CLSTN2: variants seen among roughly 807,000 people sequenced by gnomAD.
CLSTN2 encodes calsyntenin 2.
A neutral mutation model predicts 101.2 loss-of-function variants in CLSTN2; 48 were observed. That is an observed-to-expected ratio of 0.47 (90% CI 0.38 to 0.60). CLSTN2 has a LOEUF of 0.60. Ranked by LOEUF, CLSTN2 falls within the 20% of genes least tolerant of loss-of-function variation. CLSTN2 has a pLI of 0.00. For missense variants in CLSTN2, 1,160 were observed against 1,238.2 expected (o/e 0.94, Z 0.95); for synonymous variants, 481 against 463.6 (o/e 1.04, Z -0.48).
At chr3:140,212,748 C>G (rs1224979845) in intron 2 of CLSTN2, among the ~76,000 whole-genome samples, 1 of 152,214 alleles carries the variant, frequency 6.6e-6, no homozygotes, top group Non-Finnish European at 1.5e-5. Context: ...TCTGTTCACT[C>G]TAGATCTTGC....
intron 2 of CLSTN2, among the ~76,000 whole-genome samples, chr3:140,242,472 C>G (rs966513981): frequency 6.6e-6 from 1 of 152,144 alleles, no homozygotes; most frequent in African/African-American, 2.4e-5. Context: ...TATTGGAGCC[C>G]TGGTGTGCCT....
chr3:140,283,870 G>A (rs2086871305), intron 2 of CLSTN2, among the ~76,000 whole-genome samples: 1 of 152,122 alleles, frequency 6.6e-6, no homozygotes, highest in South Asian at 2.1e-4. Context: ...CTGGGTGTGT[G>A]GCATTTAAGT....
At chr3:139,958,077 C>G (rs896882940) in intron 1 of CLSTN2, among the ~76,000 whole-genome samples, 10 of 152,152 alleles carry the variant, frequency 6.6e-5, no homozygotes, top group Admixed American at 3.3e-4. Flanking sequence ...AGGGCTTAGC[C>G]AGGGTGCCTG....
At chr3:140,350,380 GC>G (rs142960049) in intron 2 of CLSTN2, among the ~76,000 whole-genome samples, 98 of 152,330 alleles carry the variant, frequency 6.4e-4, no homozygotes, top group African/African-American at 2.0e-3. Flanking sequence ...CCAACACAAA[GC>G]TTTGCCATGG....
intron 2 of CLSTN2, among the ~76,000 whole-genome samples, chr3:140,236,557 C>G (rs2086418628): frequency 6.6e-6 from 1 of 152,092 alleles, no homozygotes; most frequent in Non-Finnish European, 1.5e-5. Flanking sequence ...TCTTCAAGTG[C>G]TTTTCCTGCC....
intron 2 of CLSTN2, among the ~76,000 whole-genome samples, chr3:140,265,906 C>A (rs1284770849): frequency 6.6e-6 from 1 of 152,176 alleles, no homozygotes; most frequent in Non-Finnish European, 1.5e-5. Context: ...AGCATCCCTG[C>A]ACTGGGAAAA....
chr3:140,513,427 T>C (rs546038889), intron 8 of CLSTN2, among the ~76,000 whole-genome samples: 3 of 152,298 alleles, frequency 2.0e-5, no homozygotes, highest in Admixed American at 1.3e-4. Context: ...TTTGCATAGG[T>C]TGAACCAAAC....
intron 2 of CLSTN2, among the ~76,000 whole-genome samples, chr3:140,233,417 A>G (rs2086388657): frequency 6.6e-6 from 1 of 152,154 alleles, no homozygotes; most frequent in Non-Finnish European, 1.5e-5. Flanking sequence ...CCATTCCAGG[A>G]AGCACTACCC....
chr3:140,340,318 G>A (rs139771964), intron 2 of CLSTN2, among the ~76,000 whole-genome samples: 4 of 152,138 alleles, frequency 2.6e-5, no homozygotes, highest in Admixed American at 6.5e-5. Context: ...AATGTATGCC[G>A]GCCAGCTTTG....
chr3:140,444,510 T>TA (rs927749187), intron 5 of CLSTN2, among the ~76,000 whole-genome samples: 38 of 152,156 alleles, frequency 2.5e-4, no homozygotes, highest in African/African-American at 8.0e-4. Context: ...GCAATTAAGA[T>TA]ACACTCCCCC....
chr3:140,277,414 A>T (rs78657992), intron 2 of CLSTN2, among the ~76,000 whole-genome samples: 4,796 of 152,284 alleles, frequency 0.031, 252 homozygotes, highest in African/African-American at 0.11. Flanking sequence ...AGCTATCTCC[A>T]GTTGCACTGG....
chr3:140,274,475 G>T (rs899440402), intron 2 of CLSTN2, among the ~76,000 whole-genome samples: 2 of 152,186 alleles, frequency 1.3e-5, no homozygotes, highest in Admixed American at 1.3e-4. Context: ...CCAACCATGA[G>T]CCAGCATCTT....
intron 2 of CLSTN2, among the ~76,000 whole-genome samples, chr3:140,396,661 T>C (rs905849962): frequency 3.3e-5 from 5 of 152,198 alleles, no homozygotes; most frequent in African/African-American, 1.2e-4. Context: ...TTCCAGCCCA[T>C]CTGGGCCAGA....
At chr3:140,330,518 G>T (rs550486774) in intron 2 of CLSTN2, among the ~76,000 whole-genome samples, 110 of 152,306 alleles carry the variant, frequency 7.2e-4, no homozygotes, top group Non-Finnish European at 1.3e-3. Context: ...GCCCATTTCT[G>T]CACCTTTCAA....
intron 2 of CLSTN2, among the ~76,000 whole-genome samples, chr3:140,378,186 A>C (rs2087940443): frequency 6.6e-6 from 1 of 152,194 alleles, no homozygotes; most frequent in South Asian, 2.1e-4. Flanking sequence ...TCAACAATGA[A>C]ATTTCTAATG....
intron 1 of CLSTN2, among the ~76,000 whole-genome samples, chr3:140,011,323 G>A (rs1230830042): frequency 2.0e-5 from 3 of 152,192 alleles, no homozygotes; most frequent in African/African-American, 7.2e-5. Context: ...GCTTTAGGAA[G>A]TGGTCTCAGC....
intron 2 of CLSTN2, among the ~76,000 whole-genome samples, chr3:140,402,017 A>G (rs1026247405): frequency 6.7e-6 from 1 of 149,980 alleles, no homozygotes; most frequent in Non-Finnish European, 1.5e-5. Context: ...AATGGCTAGG[A>G]GGGGTGGCGG....
At chr3:140,301,458 A>C (rs1454099820) in intron 2 of CLSTN2, among the ~76,000 whole-genome samples, 3 of 152,234 alleles carry the variant, frequency 2.0e-5, no homozygotes, top group African/African-American at 7.2e-5. Flanking sequence ...TTCACAGAAG[A>C]CAGCAGGATT....
At chr3:140,359,993 TACACACACACACACACACAC>T (rs55746611) in intron 2 of CLSTN2, among the ~76,000 whole-genome samples, 1 of 145,974 alleles carries the variant, frequency 6.9e-6, no homozygotes, top group South Asian at 2.2e-4. Context: ...ACATATTTTA[TACACACACACACACACACAC>T]ACACACACAC....
Sources: gnomAD v4.1 joint callset for allele counts (sites outside exome capture counted in the v4.1 genomes callset) on GRCh38, gnomAD v4.1.1 for gene constraint, MANE v1.5 for transcripts, NCBI Gene and HGNC (gene_info 2026-07-23, HGNC 2026-07-21) for gene names.